The following TTC14 variants were observed in gnomAD, a reference collection of about 807,000 sequenced individuals.
The protein encoded by TTC14 is tetratricopeptide repeat protein 14.
Under a neutral mutation model 79.9 loss-of-function variants are expected in TTC14, and 63 were observed. The observed-to-expected ratio is 0.79, with a 90% CI of 0.64 to 0.97. TTC14 has a LOEUF of 0.97. Among genes scored for constraint, TTC14 ranks in the 50% least tolerant of loss-of-function variants. TTC14 has a pLI of 0.00. For synonymous variants in TTC14, 335 were observed against 309.6 expected (o/e 1.08, Z -0.86); for missense variants, 895 against 894.0 (o/e 1.00, Z -0.01).
At chr3:180,614,116 T>A (rs563456882), downstream of TTC14, 7 of 188,254 alleles carry the variant, frequency 3.7e-5, no homozygotes, top group African/African-American at 1.4e-4. Flanking sequence ...CTGGAAAAAC[T>A]ACTACATTTG....
intron 12 of TTC14, chr3:180,616,356 A>G (rs371697814): frequency 1.3e-5 from 21 of 1,611,912 alleles, no homozygotes; most frequent in Non-Finnish European, 1.8e-5. Context: ...AGGTAGTTCT[A>G]ACCCACTCTG....
chr3:180,616,721 T>C, intron 12 of TTC14: 2 of 1,574,898 alleles, frequency 1.3e-6, no homozygotes. Flanking sequence ...AGTCAATTAT[T>C]CTATAAACGT....
At chr3:180,613,788 C>T (rs1717113363), downstream of TTC14, 1 of 451,860 alleles carries the variant, frequency 2.2e-6, no homozygotes, top group African/African-American at 2.0e-5. Context: ...TAGAGCAGTA[C>T]TTTAGCCAAA....
At chr3:180,616,987 T>G in intron 12 of TTC14, 1 of 1,204,686 alleles carries the variant, frequency 8.3e-7, no homozygotes, top group South Asian at 1.7e-5. Context: ...AATATTAACA[T>G]GTATTTTTTA....
chr3:180,611,292 C>T (rs555277353), downstream of TTC14, among the ~76,000 whole-genome samples: 12 of 152,234 alleles, frequency 7.9e-5, no homozygotes, highest in South Asian at 1.2e-3. Context: ...CTGTATTCCA[C>T]GCAAGGGTAA....
intron 12 of TTC14, chr3:180,616,332 T>A (rs1385632797): frequency 6.2e-7 from 1 of 1,613,084 alleles, no homozygotes; most frequent in Admixed American, 1.7e-5. Flanking sequence ...ACGACTGCCT[T>A]TTGTGCTAGC....
chr3:180,604,328 C>G lies in TTC14; in HGVS notation c.571+19C>G. ...ATTCGAGGTGATTAGTTTCATCATA[C>G]TAATAAAAAAGTAATGATTGTTGAA... On this transcript the variant is annotated intron_variant, in intron 4 of 11. Transcript: ENST00000296015. 6.2e-7 allele frequency: 1 copy of G among 1,600,930 alleles called. No homozygotes were observed.
chr3:180,616,527 A>T lies in TTC14; in HGVS notation c.1775-853A>T. 4 of 1,552,130 alleles carry T rather than the reference A, an allele frequency of 2.6e-6. No homozygotes were observed. The South Asian group carries it at 5.0e-5, about 19-fold the overall frequency. On this transcript the variant is annotated intron_variant, in intron 12 of 12. Coordinates refer to the TTC14 transcript ENST00000382584. ...AGGTGCTGTATTACCTGTTGAAAGT[A>T]TGTTTGAAGGATAATACGGATCTCA...
intron 9 of TTC14, 83 bp from the exon 10 acceptor site, chr3:180,607,565 C>G: frequency 1.4e-6 from 2 of 1,428,750 alleles, no homozygotes; most frequent in Non-Finnish European, 1.8e-6. Context: ...AATAAGCTCT[C>G]TCATATAAGC....
At chr3:180,615,201 G>C (rs878929486), downstream of TTC14, 6 of 648,562 alleles carry the variant, frequency 9.3e-6, no homozygotes, top group Non-Finnish European at 2.5e-6. Context: ...CATATTAATA[G>C]TGTTAAGTTT....
At chr3:180,603,698 G>C (rs1042561249) in intron 3 of TTC14, 1 of 244,672 alleles carries the variant, frequency 4.1e-6, no homozygotes. Flanking sequence ...TTGGAGAGAA[G>C]TTTCATTTAT....
Position 180,602,368 on chromosome 3 carries a change from G to A in TTC14, c.107G>A (p.Gly36Glu), listed in dbSNP as rs569199566. The change falls in exon 1 of 12, where the codon GGG becomes GAG. Residue 36 changes from glycine (G) to glutamate (E), a missense_variant. By Grantham distance (98) the Gly-to-Glu change is moderately conservative. Coordinates refer to ENST00000296015, the MANE Select transcript of TTC14 (RefSeq NM_133462.4). ...QDNPHFRSLLGSAAEPARGPP... is the reference protein window; with the variant it reads ...QDNPHFRSLLESAAEPARGPP... ...AATCCACACTTCCGTAGCCTCCTGG[G>A]GTCGGCCGCCGAGCCAGCCCGGGGC... is the stretch of plus-strand genomic sequence containing the variant. 5 of 1,611,516 alleles carry A rather than the reference G, an allele frequency of 3.1e-6. No homozygotes were observed. Among genetic ancestry groups the A allele is most frequent in the Admixed American group, 1.7e-5 (1 of 59,960 alleles).
In TTC14 at chr3:180,616,395, C is replaced by T. The variant is rs763570030; in HGVS notation, c.1775-985C>T. On this transcript the variant is annotated intron_variant, in intron 12 of 12. Transcript: ENST00000382584. ...GAATATTCAATAGCAATCATTAGTA[C>T]TACCTACTGTTTTTTAGAAGATAAA... 8.3e-6 allele frequency: 13 copies of T among 1,566,562 alleles called. 1 individual carries two copies. In the African/African-American group the frequency reaches 1.4e-4, roughly 16 times the overall value.
chr3:180,609,511 T>G, intron 11 of TTC14, 119 bp from the exon 12 acceptor site: 1 of 1,337,540 alleles, frequency 7.5e-7, no homozygotes. Context: ...GATTATTGTA[T>G]CATTTATCTG....
rs752024603 is a variant in TTC14, at chr3:180,604,903, G to C, written c.753G>C (p.Met251Ile). 1 of 1,614,044 alleles carries C rather than the reference G, an allele frequency of 6.2e-7. No homozygotes were observed. The highest frequency in any genetic ancestry group is 8.5e-7 in the Non-Finnish European group (1 of 1,179,988). The change falls in exon 6 of 12, where the codon ATG becomes ATC. Residue 251 changes from methionine (M) to isoleucine (I), a missense_variant. Physicochemically the swap from Met to Ile is conservative, Grantham distance 10. Transcript: ENST00000296015. ...CTTTGGAGTCCTATGAAAATGTCAT[G>C]CAGAGTTCCTTGGGATTTGTTAATC... is the stretch of plus-strand genomic sequence containing the variant. Reference protein sequence around the residue: ...SNSLESYENVMQSSLGFVNPG... With the variant: ...SNSLESYENVIQSSLGFVNPG...
At chr3:180,618,254 A>ATTT (rs1255518833), downstream of TTC14, among the ~76,000 whole-genome samples, 3 of 152,160 alleles carry the variant, frequency 2.0e-5, no homozygotes, top group Non-Finnish European at 4.4e-5. Flanking sequence ...GGTTTTATGG[A>ATTT]TTAAATTTTT....
downstream of TTC14, among the ~76,000 whole-genome samples, chr3:180,615,897 T>C (rs1310461511): frequency 2.6e-5 from 4 of 152,194 alleles, no homozygotes. Context: ...ATCACAAAAA[T>C]CATATTCTAT....
chr3:180,602,784 C>A, intron 1 of TTC14, 107 bp from the exon 2 acceptor site: 1 of 1,294,890 alleles, frequency 7.7e-7, no homozygotes, highest in African/African-American at 1.5e-5. Flanking sequence ...GTATTGTCTG[C>A]AGCTTAGGAT....
In TTC14 at chr3:180,610,482, G is replaced by C; in HGVS notation, c.2253G>C (p.Leu751=). 6.3e-7 allele frequency: 1 copy of C among 1,599,154 alleles called. No homozygotes were observed. The highest frequency in any genetic ancestry group is 8.5e-7 in the Non-Finnish European group (1 of 1,176,292). ...AGAAAAATTTACCTCAGAATTTACT[G>C]AATATATTTAATCAGATAGCTGAAT... ...SVKKNLPQNL[L]NIFNQIAEFE... The change falls in exon 12 of 12, where the codon CTG becomes CTC. Residue 751 remains leucine (L), a synonymous_variant. Transcript: ENST00000296015.
Sources: gnomAD v4.1 joint callset for allele counts (sites outside exome capture counted in the v4.1 genomes callset) on GRCh38, gnomAD v4.1.1 for gene constraint, MANE v1.5 for transcripts, NCBI Gene and HGNC (gene_info 2026-07-23, HGNC 2026-07-21) for gene names.